The following CYP4X1 variants were observed in gnomAD, a reference collection of about 807,000 sequenced individuals.
The protein encoded by CYP4X1 is cytochrome P450 family 4 subfamily X member 1.
CYP4X1 carries 44 observed loss-of-function variants against 57.9 expected under a neutral mutation model. The ratio of observed to expected loss-of-function variants is 0.76; its 90% confidence interval spans 0.60 to 0.98. CYP4X1 has a LOEUF of 0.98. Ranked by LOEUF, CYP4X1 falls within the 50% of genes least tolerant of loss-of-function variation. CYP4X1 has a pLI of 0.00. For missense variants in CYP4X1, 532 were observed against 623.9 expected (o/e 0.85, Z 1.57); for synonymous variants, 227 against 228.6 (o/e 0.99, Z 0.06).
At chr1:47,052,814 T>TA (rs1213757382), downstream of CYP4X1, among the ~76,000 whole-genome samples, 2 of 151,928 alleles carry the variant, frequency 1.3e-5, no homozygotes, top group African/African-American at 4.8e-5. Flanking sequence ...AAAAATAAAA[T>TA]AAAAAAATGC....
the CYP4X1 span, among the ~76,000 whole-genome samples, chr1:46,984,574 G>A: frequency 6.6e-6 from 1 of 152,048 alleles, no homozygotes; most frequent in East Asian, 1.9e-4. Context: ...GAAGCAGGAT[G>A]GGGTGTCATC....
downstream of CYP4X1, among the ~76,000 whole-genome samples, chr1:47,052,513 C>T (rs1346401913): frequency 6.6e-6 from 1 of 151,922 alleles, no homozygotes; most frequent in Non-Finnish European, 1.5e-5. Flanking sequence ...GCATATATTC[C>T]CTTTGAAAGG....
chr1:47,025,015 T>G (rs1644046863), intron 1 of CYP4X1, among the ~76,000 whole-genome samples: 1 of 152,210 alleles, frequency 6.6e-6, no homozygotes, highest in Non-Finnish European at 1.5e-5. Flanking sequence ...ACATCTGCTG[T>G]GGTTTAGATA....
downstream of CYP4X1, among the ~76,000 whole-genome samples, chr1:47,053,106 C>T (rs565259037): frequency 1.2e-3 from 182 of 152,148 alleles, no homozygotes; most frequent in African/African-American, 4.1e-3. Flanking sequence ...TGTGATGTTC[C>T]CCTTCCTGTG....
chr1:47,045,155 G>A (rs1354652307), intron 8 of CYP4X1, among the ~76,000 whole-genome samples: 1 of 152,058 alleles, frequency 6.6e-6, no homozygotes, highest in African/African-American at 2.4e-5. Context: ...TGAGCTTGAG[G>A]AAGAAAGAAT....
chr1:47,010,197 A>C, the CYP4X1 span, among the ~76,000 whole-genome samples: 1 of 152,254 alleles, frequency 6.6e-6, no homozygotes, highest in African/African-American at 2.4e-5. Flanking sequence ...GCAGCACATC[A>C]AAAAGCTTAT....
chr1:47,009,233 A>G, the CYP4X1 span, among the ~76,000 whole-genome samples: 2 of 152,166 alleles, frequency 1.3e-5, no homozygotes, highest in African/African-American at 4.8e-5. Flanking sequence ...GTGCAATCAA[A>G]CTAGAACTCA....
chr1:46,975,820 C>G, the CYP4X1 span, among the ~76,000 whole-genome samples: 1 of 152,168 alleles, frequency 6.6e-6, no homozygotes, highest in African/African-American at 2.4e-5. Flanking sequence ...TGGACTTGGG[C>G]TCTTTACATA....
intron 3 of CYP4X1, 21 bp downstream of exon 3, chr1:47,031,501 G>C: frequency 6.2e-7 from 1 of 1,612,954 alleles, no homozygotes; most frequent in Non-Finnish European, 8.5e-7. Context: ...GCAAATGAGA[G>C]GTATAACCCA....
At chr1:47,047,793 T>G (rs1644318324) in intron 9 of CYP4X1, among the ~76,000 whole-genome samples, 1 of 152,076 alleles carries the variant, frequency 6.6e-6, no homozygotes, top group South Asian at 2.1e-4. Flanking sequence ...GAGATGGGGT[T>G]TCACCATGTT....
chr1:47,014,933 G>A, the CYP4X1 span, among the ~76,000 whole-genome samples: 2 of 152,186 alleles, frequency 1.3e-5, no homozygotes, highest in Non-Finnish European at 2.9e-5. Flanking sequence ...ATGGAGAAAG[G>A]AAAAGTGACC....
chr1:46,966,870 A>C, the CYP4X1 span, among the ~76,000 whole-genome samples: 3 of 152,342 alleles, frequency 2.0e-5, no homozygotes, highest in Non-Finnish European at 4.4e-5. Context: ...TTGTGAGGGA[A>C]AGGTTAATGT....
the CYP4X1 span, among the ~76,000 whole-genome samples, chr1:46,995,838 A>G: frequency 6.6e-6 from 1 of 152,176 alleles, no homozygotes; most frequent in South Asian, 2.1e-4. Context: ...CGTACACCCC[A>G]TTTCAGCTGC....
chr1:47,013,248 G>A, the CYP4X1 span, among the ~76,000 whole-genome samples: 485 of 152,284 alleles, frequency 3.2e-3, no homozygotes, highest in African/African-American at 0.011. Flanking sequence ...ATATGTCTGC[G>A]TAATGTCAAA....
intron 8 of CYP4X1, chr1:47,039,773 G>C (rs370202872): frequency 9.3e-4 from 288 of 308,848 alleles, no homozygotes; most frequent in African/African-American, 3.2e-3. Flanking sequence ...TCAATGGTGT[G>C]TGAAATGTCT....
the CYP4X1 span, among the ~76,000 whole-genome samples, chr1:47,010,088 G>A: frequency 6.6e-6 from 1 of 151,656 alleles, no homozygotes; most frequent in Non-Finnish European, 1.5e-5. Context: ...TGATACCAAA[G>A]CCTGGCAGAG....
At chr1:47,012,325 G>GTTTGGTTCGCTTA in the CYP4X1 span, among the ~76,000 whole-genome samples, 5 of 152,128 alleles carry the variant, frequency 3.3e-5, no homozygotes, top group Non-Finnish European at 5.9e-5. Context: ...ACCAAACACT[G>GTTTGGTTCGCTTA]TATGTTCTCG....
chr1:47,047,843 C>T (rs914044667), intron 9 of CYP4X1, among the ~76,000 whole-genome samples: 2 of 152,032 alleles, frequency 1.3e-5, no homozygotes, highest in Non-Finnish European at 2.9e-5. Context: ...GAGACCAGCC[C>T]TCCTCAGCCT....
At chr1:46,974,454 G>T in the CYP4X1 span, among the ~76,000 whole-genome samples, 3 of 152,250 alleles carry the variant, frequency 2.0e-5, no homozygotes, top group Admixed American at 6.5e-5. Flanking sequence ...ATTTGGTCAA[G>T]TGTCAAGTTT....
Sources: allele counts gnomAD v4.1 joint callset (sites outside exome capture counted in the v4.1 genomes callset), GRCh38; gene constraint gnomAD v4.1.1; transcripts MANE v1.5; gene names NCBI Gene and HGNC (gene_info 2026-07-23, HGNC 2026-07-21).